FGGY: variants seen among roughly 807,000 people sequenced by gnomAD.
FGGY encodes the protein FGGY carbohydrate kinase domain-containing protein.
FGGY carries 72 observed loss-of-function variants against 71.3 expected under a neutral mutation model. The observed-to-expected ratio is 1.01, with a 90% CI of 0.84 to 1.23. The LOEUF (loss-of-function observed/expected upper bound fraction) is 1.23, where lower values mean the gene tolerates loss of function less well. Ranked by LOEUF, FGGY falls within the 50% of genes most tolerant of loss-of-function variation. The pLI is 0.00. For missense variants in FGGY, 668 were observed against 682.3 expected, an observed-to-expected ratio of 0.98 and a Z score of 0.23; for synonymous variants, 251 against 250.3, an observed-to-expected ratio of 1.00 and a Z score of -0.02.
intron 8 of FGGY, among the ~76,000 whole-genome samples, chr1:59,575,668 C>T (rs1204330954): frequency 1.3e-5 from 2 of 152,160 alleles, no homozygotes; most frequent in Non-Finnish European, 2.9e-5. Context: ...GAGGAAACTC[C>T]ATACTGTTTT....
intron 14 of FGGY, among the ~76,000 whole-genome samples, chr1:59,716,410 C>CT (rs1388766664): frequency 6.6e-6 from 1 of 152,158 alleles, no homozygotes; most frequent in East Asian, 1.9e-4. Context: ...TCCAACAACT[C>CT]TATGAGGTTG....
At chr1:59,308,905 C>T (rs1231315961) in intron 1 of FGGY, among the ~76,000 whole-genome samples, 1 of 152,122 alleles carries the variant, frequency 6.6e-6, no homozygotes, top group East Asian at 1.9e-4. Flanking sequence ...TTTTCTCATT[C>T]AACAGCTACT....
chr1:59,455,105 G>GT (rs1162956962), intron 5 of FGGY, among the ~76,000 whole-genome samples: 1 of 152,176 alleles, frequency 6.6e-6, no homozygotes, highest in Non-Finnish European at 1.5e-5. Flanking sequence ...TGTGAATGAG[G>GT]TATTTGTGAT....
chr1:59,651,013 G>C (rs974240231), intron 11 of FGGY, among the ~76,000 whole-genome samples: 3 of 151,488 alleles, frequency 2.0e-5, no homozygotes, highest in African/African-American at 7.4e-5. Context: ...TATGTACCCA[G>C]TAGTCATTCA....
At chr1:59,372,296 C>G (rs1467629770) in intron 4 of FGGY, among the ~76,000 whole-genome samples, 1 of 152,208 alleles carries the variant, frequency 6.6e-6, no homozygotes, top group Non-Finnish European at 1.5e-5. Flanking sequence ...CGCAAATAAA[C>G]TAGAAAATCT....
At chr1:59,448,464 C>T (rs2071841328) in intron 5 of FGGY, among the ~76,000 whole-genome samples, 1 of 152,072 alleles carries the variant, frequency 6.6e-6, no homozygotes, top group South Asian at 2.1e-4. Flanking sequence ...GGTTAATGGT[C>T]TATGCAAGGA....
chr1:59,508,927 T>C (rs1322615329), intron 6 of FGGY, among the ~76,000 whole-genome samples: 2 of 152,044 alleles, frequency 1.3e-5, no homozygotes, highest in African/African-American at 4.8e-5. Flanking sequence ...AAGGACTGGG[T>C]AGAGGGAAAA....
chr1:59,392,963 A>G (rs1479374708), intron 5 of FGGY, among the ~76,000 whole-genome samples: 1 of 152,144 alleles, frequency 6.6e-6, no homozygotes, highest in Non-Finnish European at 1.5e-5. Context: ...TATTGCCCAG[A>G]TATTATTCTT....
At chr1:59,610,427 G>A (rs557200536) in intron 9 of FGGY, among the ~76,000 whole-genome samples, 6 of 152,286 alleles carry the variant, frequency 3.9e-5, no homozygotes, top group South Asian at 2.1e-4. Context: ...TTTTATGAAG[G>A]CATAGTATTC....
At chr1:59,563,605 G>T (rs917452167) in intron 8 of FGGY, among the ~76,000 whole-genome samples, 2 of 152,086 alleles carry the variant, frequency 1.3e-5, no homozygotes, top group Admixed American at 1.3e-4. Flanking sequence ...CGTGAAAATG[G>T]CCATACTGCT....
At chr1:59,420,531 G>A (rs1449362001) in intron 5 of FGGY, among the ~76,000 whole-genome samples, 1 of 152,154 alleles carries the variant, frequency 6.6e-6, no homozygotes, top group Non-Finnish European at 1.5e-5. Context: ...AGAGGCATGA[G>A]GAAACCTCAT....
intron 2 of FGGY, among the ~76,000 whole-genome samples, chr1:59,338,959 C>T (rs1165516596): frequency 6.6e-6 from 1 of 152,192 alleles, no homozygotes; most frequent in African/African-American, 2.4e-5. Flanking sequence ...AGCAACCCTA[C>T]TCTGAAACTA....
intron 2 of FGGY, among the ~76,000 whole-genome samples, chr1:59,330,827 T>C (rs897308944): frequency 6.6e-6 from 1 of 152,152 alleles, no homozygotes; most frequent in Non-Finnish European, 1.5e-5. Context: ...GACAGCTGGC[T>C]CAGACCAATG....
At chr1:59,418,896 A>G (rs530080519) in intron 5 of FGGY, among the ~76,000 whole-genome samples, 1 of 152,312 alleles carries the variant, frequency 6.6e-6, no homozygotes, top group Admixed American at 6.5e-5. Flanking sequence ...CTTTATTTAC[A>G]AAAACTGGCA....
Position 59,586,623 on chromosome 1 carries a change from A to G in FGGY, c.904-21180A>G, listed in dbSNP as rs1040756538. Among the ~76,000 whole-genome samples the G allele has an allele frequency of 5.9e-5, 9 of 152,292 alleles. No homozygotes were observed. The East Asian group carries it at 1.5e-3, about 26-fold the overall frequency. ...GTATACATATGTAACAAACCTGCAC[A>G]TTGTGCACATGTACCCTAAAACTTA... is the stretch of plus-strand genomic sequence containing the variant. On this transcript the variant is annotated intron_variant, in intron 8 of 15. Coordinates refer to ENST00000303721, the MANE Select transcript of FGGY (RefSeq NM_018291.5).
chr1:59,436,707 A>G (rs1048416380), intron 5 of FGGY, among the ~76,000 whole-genome samples: 1 of 152,168 alleles, frequency 6.6e-6, no homozygotes, highest in Non-Finnish European at 1.5e-5. Context: ...GCATAGAGCA[A>G]CACTTCTCTT....
chr1:59,498,778 T>C (rs888968296), intron 6 of FGGY, among the ~76,000 whole-genome samples: 8 of 152,236 alleles, frequency 5.3e-5, no homozygotes, highest in African/African-American at 1.2e-4. Flanking sequence ...TGTCATGTTT[T>C]GAATCTTTCT....
chr1:59,641,481 A>G (rs1030238100), intron 11 of FGGY: 1 of 695,062 alleles, frequency 1.4e-6, no homozygotes, highest in Non-Finnish European at 2.4e-6. Flanking sequence ...CTAAGTTCAC[A>G]TAAAAGTAGG....
At chr1:59,307,313 C>CAAA (rs398049311) in intron 1 of FGGY, among the ~76,000 whole-genome samples, 68 of 67,314 alleles carry the variant, frequency 1.0e-3, no homozygotes, top group African/African-American at 2.6e-3. Flanking sequence ...GACCCTGTCT[C>CAAA]AAAAAAAAAA....
Sources: allele counts gnomAD v4.1 joint callset (sites outside exome capture counted in the v4.1 genomes callset), GRCh38; gene constraint gnomAD v4.1.1; transcripts MANE v1.5; gene names NCBI Gene and HGNC (gene_info 2026-07-23, HGNC 2026-07-21).